The following ITIH6 variants were observed in gnomAD, a reference collection of about 807,000 sequenced individuals.
ITIH6 encodes inter-alpha-trypsin inhibitor heavy chain family member 6.
ITIH6 carries 60 observed loss-of-function variants against 58.2 expected under a neutral mutation model. That is an observed-to-expected ratio of 1.03 (90% CI 0.84 to 1.28). The LOEUF is 1.28. ITIH6 is among the 50% of genes most tolerant of loss of function. The pLI is 0.00. For synonymous variants in ITIH6, 493 were observed against 417.4 expected (o/e 1.18, Z -2.21); for missense variants, 1,290 against 1,021.1 (o/e 1.26, Z -3.59).
chrX:54,753,665 T>C lies in ITIH6; in HGVS notation c.3338A>G (p.Glu1113Gly), dbSNP rs148977476. 17 of 1,205,769 alleles carry C rather than the reference T, an allele frequency of 1.4e-5. No individual in the cohort carries two copies. Among genetic ancestry groups the C allele is most frequent in the Admixed American group, 2.2e-5 (1 of 45,642 alleles). Residue 1113 changes from glutamate (E) to glycine (G), a missense_variant, in exon 11 of 13, where the codon GAG (glutamate) becomes GGG (glycine). Glu to Gly is a moderately conservative substitution (Grantham distance 98). Transcript: ENST00000218436. ...GGGGCTCTTACCTGCCTTTGGGTCC[T>C]CTATGAGCTGCAGCAAGTCCCCAGG... ...GHPGDLLQLI[E>G]DPKAGLHVSG...
intron 5 of ITIH6, 27 bp from the exon 6 acceptor site, chrX:54,774,224 T>C: frequency 1.5e-6 from 1 of 667,025 alleles, no homozygotes; most frequent in Non-Finnish European, 2.2e-6. Context: ...AAAAAAAAAG[T>C]AGAACCAAGA....
chrX:54,753,429 G>C (rs1454600104), intron 11 of ITIH6, among the ~76,000 whole-genome samples: 2 of 111,470 alleles, frequency 1.8e-5, no homozygotes, highest in Non-Finnish European at 3.8e-5. Context: ...ATATTTGTGT[G>C]AGTTTACTCT....
At chrX:54,783,913 A>C (rs1247071721) in intron 5 of ITIH6, among the ~76,000 whole-genome samples, 2 of 112,392 alleles carry the variant, frequency 1.8e-5, no homozygotes, top group Non-Finnish European at 3.8e-5. Context: ...AACTGGAGGA[A>C]TCACATTATC....
intron 5 of ITIH6, among the ~76,000 whole-genome samples, chrX:54,778,605 T>G (rs1310561532): frequency 9.0e-6 from 1 of 111,662 alleles, no homozygotes; most frequent in Non-Finnish European, 1.9e-5. Context: ...GTAAAAAGAA[T>G]AAGAAGCAAT....
intron 5 of ITIH6, among the ~76,000 whole-genome samples, chrX:54,784,896 C>G (rs1410766122): frequency 8.9e-6 from 1 of 111,912 alleles, no homozygotes; most frequent in Admixed American, 9.5e-5. Flanking sequence ...CTGTACCCTT[C>G]TTTTTCTTAC....
chrX:54,763,490 T>A (rs1457174547), intron 6 of ITIH6, among the ~76,000 whole-genome samples: 1 of 112,221 alleles, frequency 8.9e-6, no homozygotes, highest in Non-Finnish European at 1.9e-5. Context: ...TGAATTCTAG[T>A]TTAATTCCAT....
In ITIH6 at chrX:54,768,530, C is replaced by T. The variant is rs1260190317; in HGVS notation, c.903+5551G>A. Among the ~76,000 whole-genome samples the T allele has an allele frequency of 7.7e-4, 77 of 100,298 alleles. 1 individual carries two copies. Among genetic ancestry groups the T allele is most frequent in the Admixed American group, 3.3e-3 (31 of 9,256 alleles). The allele number at this position is 100,298 out of a possible 115,157, so 87.1% of individuals were successfully genotyped here. On this transcript the variant is annotated intron_variant, in intron 6 of 12. Coordinates refer to ENST00000218436, the MANE Select transcript of ITIH6 (RefSeq NM_198510.3). The stretch of plus-strand genomic sequence containing the variant: ...GGCATGATTTTGCAGCGGCTGGTAC[C>T]GGTTGTTCCTTTCCATGTTTAGTGC...
At chrX:54,755,152 G>A (rs374365841) in intron 8 of ITIH6, 43 bp from the exon 9 acceptor site, 13 of 1,099,520 alleles carry the variant, frequency 1.2e-5, no homozygotes, top group Non-Finnish European at 1.4e-5. Flanking sequence ...CAAATTCCAG[G>A]GGCAAAGTCT....
At position 54,788,499 on chromosome X, in the gene ITIH6, T is replaced by C. The variant is rs1929283697; in HGVS notation, c.767A>G (p.Asp256Gly). The change falls in exon 5 of 13, where the codon GAC (aspartate) becomes GGC (glycine). Residue 256 changes from aspartate (D) to glycine (G), a missense_variant. Asp to Gly is a moderately conservative substitution (Grantham distance 94, BLOSUM62 -1). Coordinates refer to ENST00000218436, the MANE Select transcript of ITIH6 (RefSeq NM_198510.3). Reference protein sequence around the residue: ...FLVQYDVVMEDIIGDVQIYDD... With the variant: ...FLVQYDVVMEGIIGDVQIYDD... ...CCTCACCTGCACGTCTCCAATGATG[T>C]CCTCCATGACCACATCGTACTGAAC... is the stretch of plus-strand genomic sequence containing the variant. 1 of 1,208,567 alleles carries C rather than the reference T, an allele frequency of 8.3e-7. No homozygotes were observed. Among genetic ancestry groups the C allele is most frequent in the Non-Finnish European group, 1.1e-6 (1 of 894,536 alleles).
At chrX:54,786,274 T>A (rs1369232622) in intron 5 of ITIH6, among the ~76,000 whole-genome samples, 1 of 111,631 alleles carries the variant, frequency 9.0e-6, no homozygotes, top group African/African-American at 3.3e-5. Context: ...CTCCTCTTCA[T>A]CCCTAACTGA....
At position 54,758,021 on chromosome X, in the gene ITIH6, T is replaced by A. The variant is rs1205212202; in HGVS notation, c.2053A>T (p.Lys685Ter). ...TASTKKMLSSKELEPLGESPH... is the reference protein window; with the variant it reads ...TASTKKMLSS ...CTCTCTCCCAATGGCTCCAGCTCTT[T>A]GGAACTTAGCATCTTCTTGGTAGAG... Residue 685 changes from lysine (K) to a stop codon, truncating the protein, a stop_gained, in exon 8 of 13, where the codon AAA (lysine) becomes TAA (stop). Transcript: ENST00000218436. LOFTEE classifies it high-confidence loss of function. 8.3e-7 allele frequency: 1 copy of A among 1,210,024 alleles called. No homozygotes were observed. The highest frequency in any genetic ancestry group is 1.7e-5 in the African/African-American group (1 of 57,206).
intron 2 of ITIH6, among the ~76,000 whole-genome samples, chrX:54,792,841 A>T (rs1929373917): frequency 8.9e-6 from 1 of 112,294 alleles, no homozygotes; most frequent in Admixed American, 9.4e-5. Flanking sequence ...CCTGAAAGAC[A>T]GGGAGGATAT....
At chrX:54,765,461 T>C (rs2147607028) in intron 6 of ITIH6, among the ~76,000 whole-genome samples, 1 of 105,340 alleles carries the variant, frequency 9.5e-6, no homozygotes, top group East Asian at 3.0e-4. Context: ...AGGGATCCAG[T>C]TTCAGCTTTC....
chrX:54,763,625 G>C (rs1928702749), intron 6 of ITIH6, among the ~76,000 whole-genome samples: 1 of 112,241 alleles, frequency 8.9e-6, no homozygotes, highest in African/African-American at 3.2e-5. Context: ...TGTGTAATCT[G>C]CTTGAGCAGA....
intron 3 of ITIH6, among the ~76,000 whole-genome samples, chrX:54,791,710 A>G (rs1425498813): frequency 8.9e-6 from 1 of 112,253 alleles, no homozygotes; most frequent in Non-Finnish European, 1.9e-5. Context: ...ACAGTAGAAA[A>G]GTAGAAATGG....
At chrX:54,775,793 C>T (rs769401144) in intron 5 of ITIH6, among the ~76,000 whole-genome samples, 26 of 111,157 alleles carry the variant, frequency 2.3e-4, no homozygotes, top group African/African-American at 7.2e-4. Flanking sequence ...GTGCCCACCC[C>T]GCATAGACAC....
intron 6 of ITIH6, among the ~76,000 whole-genome samples, chrX:54,773,209 G>A (rs969536036): frequency 1.8e-5 from 2 of 111,602 alleles, no homozygotes; most frequent in African/African-American, 6.5e-5. Flanking sequence ...CTTATGAGGA[G>A]GTCTCAATCT....
At position 54,767,366 on chromosome X, in the gene ITIH6, G is replaced by A. The variant is rs1170630603; in HGVS notation, c.903+6715C>T. ...CTCCTGGATTCATTGATTTTTTGAA[G>A]GGTTTTTTTGTGTCTCTATTTCCTT... On this transcript the variant is annotated intron_variant, in intron 6 of 12. Transcript: ENST00000218436. Among the ~76,000 whole-genome samples, 4 of 108,045 alleles carry A rather than the reference G, an allele frequency of 3.7e-5. No individual in the cohort carries two copies. The South Asian group carries it at 1.2e-3, about 32-fold the overall frequency. 93.8% of individuals were successfully genotyped at this position (108,045 alleles called of 115,157 possible). A position where few individuals can be genotyped will look rare whatever the true frequency, so the allele number is the denominator to read the frequency against.
At chrX:54,761,052 C>A (rs992579245) in intron 6 of ITIH6, among the ~76,000 whole-genome samples, 1 of 111,963 alleles carries the variant, frequency 8.9e-6, no homozygotes, top group Non-Finnish European at 1.9e-5. Flanking sequence ...CTAGTCCCAC[C>A]AACAGTGTAA....
Sources: allele counts gnomAD v4.1 joint callset (sites outside exome capture counted in the v4.1 genomes callset), GRCh38; gene constraint gnomAD v4.1.1; transcripts MANE v1.5; gene names NCBI Gene and HGNC (gene_info 2026-07-23, HGNC 2026-07-21).